The following ANKRD29 variants were observed in gnomAD, a reference collection of about 807,000 sequenced individuals.
ANKRD29 encodes the protein ankyrin repeat domain 29.
ANKRD29 carries 32 observed loss-of-function variants against 38.0 expected under a neutral mutation model. The observed-to-expected ratio is 0.84, with a 90% CI of 0.64 to 1.13. The LOEUF (loss-of-function observed/expected upper bound fraction) is 1.13. Ranked by LOEUF, ANKRD29 falls within the 50% of genes most tolerant of loss-of-function variation. The pLI is 0.00. For missense variants in ANKRD29, 357 were observed against 377.9 expected (o/e 0.94, Z 0.46); for synonymous variants, 135 against 152.4 (o/e 0.89, Z 0.84).
intron 9 of ANKRD29, among the ~76,000 whole-genome samples, chr18:23,611,446 G>T (rs2059640774): frequency 6.6e-6 from 1 of 152,188 alleles, no homozygotes; most frequent in African/African-American, 2.4e-5. Context: ...CACTTTGGGA[G>T]GCCGAGGTGG....
rs770121349 is a variant in ANKRD29, at chr18:23,629,924, C to A, written c.457G>T (p.Ala153Ser). 6 of 1,614,076 alleles carry A rather than the reference C, an allele frequency of 3.7e-6. No individual in the cohort carries two copies. The highest frequency in any genetic ancestry group is 5.1e-6 in the Non-Finnish European group (6 of 1,179,958). Residue 153 changes from alanine to serine, a missense_variant, in exon 6 of 10, where the codon GCC (alanine) becomes TCC (serine). Coordinates refer to ENST00000592179, the MANE Select transcript of ANKRD29 (RefSeq NM_173505.4). ...YDGATALFLA[A>S]QGGYLDVIRL... Reference sequence around the variant, plus strand: ...ATAACATCCAAGTAACCACCTTGGGCAGCTAGGAAGAGGGCAGTGGCTCCA... The same window carrying A: ...ATAACATCCAAGTAACCACCTTGGGAAGCTAGGAAGAGGGCAGTGGCTCCA...
At chr18:23,605,280 C>A (rs1345391311) in intron 9 of ANKRD29, among the ~76,000 whole-genome samples, 1 of 152,070 alleles carries the variant, frequency 6.6e-6, no homozygotes, top group Non-Finnish European at 1.5e-5. Context: ...GTCACCCAGG[C>A]TGGCATGCAG....
At chr18:23,662,684 C>A in intron 1 of ANKRD29, 26 bp downstream of exon 1, 2 of 1,466,842 alleles carry the variant, frequency 1.4e-6, no homozygotes, top group South Asian at 2.6e-5. Flanking sequence ...GGCCCCAGCC[C>A]TGACCCCGGA....
In ANKRD29 at chr18:23,630,296, G is replaced by A. The variant is rs140044961; in HGVS notation, c.430-345C>T. On this transcript the variant is annotated intron_variant, in intron 5 of 9. Coordinates refer to ENST00000592179, the MANE Select transcript of ANKRD29 (RefSeq NM_173505.4). Reference sequence around the variant, plus strand: ...AAAATAATTAGCCAGGCGTGGTGGCGGGCACCTATAATCCCAGCTACTCCG... The same window carrying A: ...AAAATAATTAGCCAGGCGTGGTGGCAGGCACCTATAATCCCAGCTACTCCG... 3.8e-3 allele frequency among the ~76,000 whole-genome samples: 584 copies of A among 152,210 alleles called. 10 individuals carry two copies. The East Asian group carries it at 0.061, about 16-fold the overall frequency.
At chr18:23,609,427 C>T (rs537349189) in intron 9 of ANKRD29, 6 of 152,258 alleles carry the variant, frequency 3.9e-5, no homozygotes, top group African/African-American at 1.4e-4. Context: ...CCCAAATGCT[C>T]GGAGATACTG....
chr18:23,631,242 CT>C (rs577952705), intron 5 of ANKRD29, among the ~76,000 whole-genome samples: 13,002 of 138,938 alleles, frequency 0.094, 764 homozygotes, highest in Non-Finnish European at 0.14. Flanking sequence ...TCTCTCTCTT[CT>C]TTTTTTTTTT....
rs562335208 is a variant in ANKRD29 at position 23,642,472 on chromosome 18, C to T, written c.232-3525G>A. On this transcript the variant is annotated intron_variant, in intron 3 of 9. Transcript: ENST00000592179. ...GTGGCTGGAGCTGCCTGCCTCGCCA[C>T]AGCTGGCATGCCTGGTTGTGTGCAG... 7.7e-4 allele frequency among the ~76,000 whole-genome samples: 117 copies of T among 152,314 alleles called. 2 individuals are homozygous for T. Among genetic ancestry groups the T allele is most frequent in the African/African-American group, 2.6e-3 (109 of 41,576 alleles).
At chr18:23,620,025 A>G (rs752979286) in intron 6 of ANKRD29, among the ~76,000 whole-genome samples, 2 of 152,164 alleles carry the variant, frequency 1.3e-5, no homozygotes, top group Non-Finnish European at 2.9e-5. Context: ...ACCAAATTCC[A>G]CAAACCCAGA....
chr18:23,648,193 G>A (rs911619948), intron 2 of ANKRD29, among the ~76,000 whole-genome samples: 22 of 152,232 alleles, frequency 1.4e-4, no homozygotes, highest in East Asian at 7.7e-4. Context: ...TGCTGGAGCA[G>A]TACATACAAT....
intron 1 of ANKRD29, among the ~76,000 whole-genome samples, chr18:23,656,226 G>A (rs1212245573): frequency 6.6e-6 from 1 of 152,014 alleles, no homozygotes; most frequent in Non-Finnish European, 1.5e-5. Flanking sequence ...ACTGATAACA[G>A]CTTGACGGAA....
At chr18:23,626,980 C>T (rs2059869803) in intron 6 of ANKRD29, among the ~76,000 whole-genome samples, 1 of 152,232 alleles carries the variant, frequency 6.6e-6, no homozygotes, top group African/African-American at 2.4e-5. Flanking sequence ...AATAATGACT[C>T]AATGTGTCAG....
At chr18:23,625,924 C>A (rs552247236) in intron 6 of ANKRD29, among the ~76,000 whole-genome samples, 1 of 152,330 alleles carries the variant, frequency 6.6e-6, no homozygotes, top group South Asian at 2.1e-4. Context: ...TTCTAACTCT[C>A]AGGCACTGAT....
chr18:23,626,963 A>G (rs1467101773), intron 6 of ANKRD29, among the ~76,000 whole-genome samples: 1 of 152,238 alleles, frequency 6.6e-6, no homozygotes, highest in Admixed American at 6.5e-5. Flanking sequence ...AAATTCAAGG[A>G]TTTTCCAATA....
chr18:23,633,727 T>A (rs572864478), intron 5 of ANKRD29, among the ~76,000 whole-genome samples: 151 of 152,134 alleles, frequency 9.9e-4, no homozygotes, highest in Non-Finnish European at 1.5e-3. Context: ...CCCGCTACCA[T>A]CCCCGGCTAA....
chr18:23,625,830 A>T (rs988096167), intron 6 of ANKRD29, among the ~76,000 whole-genome samples: 1 of 152,086 alleles, frequency 6.6e-6, no homozygotes, highest in Non-Finnish European at 1.5e-5. Context: ...TCCACCCAAA[A>T]AATCTGGGTC....
At chr18:23,617,886 G>A (rs1037158712) in intron 7 of ANKRD29, 59 bp from the exon 8 acceptor site, 3 of 1,435,010 alleles carry the variant, frequency 2.1e-6, no homozygotes, top group Admixed American at 3.5e-5. Context: ...TTGCTTGAAA[G>A]CAGTCAGTTG....
At chr18:23,651,858 C>G (rs561141472) in intron 1 of ANKRD29, among the ~76,000 whole-genome samples, 1 of 152,166 alleles carries the variant, frequency 6.6e-6, no homozygotes, top group Admixed American at 6.5e-5. Flanking sequence ...GAGGCAGCAA[C>G]AGTGGGTATG....
At chr18:23,631,294 G>C (rs1263879500) in intron 5 of ANKRD29, among the ~76,000 whole-genome samples, 1 of 150,402 alleles carries the variant, frequency 6.6e-6, no homozygotes, top group Non-Finnish European at 1.5e-5. Context: ...GACCTTGAGT[G>C]TAGTGGTACG....
chr18:23,638,987 T>C (rs1355845320), intron 3 of ANKRD29, 40 bp from the exon 4 acceptor site: 1 of 1,438,198 alleles, frequency 7.0e-7, no homozygotes, highest in Non-Finnish European at 9.5e-7. Context: ...AGACATTTGG[T>C]TATCTTACAT....
Sources: allele counts gnomAD v4.1 joint callset (sites outside exome capture counted in the v4.1 genomes callset), GRCh38; gene constraint gnomAD v4.1.1; transcripts MANE v1.5; gene names NCBI Gene and HGNC (gene_info 2026-07-23, HGNC 2026-07-21).